Variants in PIP5K1B observed in about 807,000 individuals in gnomAD.
The protein encoded by PIP5K1B is phosphatidylinositol 4-phosphate 5-kinase type-1 beta.
In PIP5K1B, 42 loss-of-function variants were observed where a neutral mutation model predicts 67.0. The ratio of observed to expected loss-of-function variants is 0.63; its 90% confidence interval spans 0.49 to 0.81. The LOEUF (loss-of-function observed/expected upper bound fraction) is 0.81, where lower values mean the gene tolerates loss of function less well. Among genes scored for constraint, PIP5K1B ranks in the 30% least tolerant of loss-of-function variants. PIP5K1B has a pLI of 0.00. For synonymous variants in PIP5K1B, 214 were observed against 231.4 expected (o/e 0.92, Z 0.68); for missense variants, 459 against 646.3 (o/e 0.71, Z 3.14).
chr9:68,779,405 C>T (rs552293165), intron 2 of PIP5K1B, among the ~76,000 whole-genome samples: 32 of 152,326 alleles, frequency 2.1e-4, no homozygotes, highest in African/African-American at 6.7e-4. Flanking sequence ...CACACTGTCA[C>T]CTTAGTGCAA....
chr9:68,920,007 G>A (rs1826283077), intron 11 of PIP5K1B, among the ~76,000 whole-genome samples: 1 of 152,144 alleles, frequency 6.6e-6, no homozygotes, highest in Non-Finnish European at 1.5e-5. Context: ...TTTGAGAGAG[G>A]TCTTTTTTTG....
intron 4 of PIP5K1B, among the ~76,000 whole-genome samples, chr9:68,844,410 G>A (rs757313882): frequency 3.3e-5 from 5 of 152,096 alleles, no homozygotes; most frequent in African/African-American, 4.8e-5. Flanking sequence ...ACTATGCATC[G>A]GGCACTTCCA....
intron 2 of PIP5K1B, among the ~76,000 whole-genome samples, chr9:68,801,318 CA>C (rs1832590338): frequency 6.6e-6 from 1 of 152,124 alleles, no homozygotes; most frequent in East Asian, 1.9e-4. Flanking sequence ...GAAAAGGGCA[CA>C]TTTTTTTTTT....
At chr9:68,850,980 G>T (rs1310465534) in intron 4 of PIP5K1B, among the ~76,000 whole-genome samples, 1 of 152,124 alleles carries the variant, frequency 6.6e-6, no homozygotes, top group Non-Finnish European at 1.5e-5. Context: ...CCTAAATCAA[G>T]AATTTCATCT....
At chr9:68,907,997 TGGTG>T (rs1015061956) in intron 8 of PIP5K1B, among the ~76,000 whole-genome samples, 20 of 152,192 alleles carry the variant, frequency 1.3e-4, no homozygotes, top group Non-Finnish European at 1.8e-4. Context: ...TTACCAGAGT[TGGTG>T]GGCTGTAGCA....
intron 2 of PIP5K1B, chr9:68,785,935 C>T (rs889134000): frequency 6.6e-6 from 1 of 152,214 alleles, no homozygotes; most frequent in African/African-American, 2.4e-5. Context: ...TTATAGTGAA[C>T]AGACATTTCC....
chr9:68,911,955 G>A (rs2132488202), intron 8 of PIP5K1B, among the ~76,000 whole-genome samples: 1 of 152,260 alleles, frequency 6.6e-6, no homozygotes, highest in Middle Eastern at 3.4e-3. Context: ...TGCAGCTTAG[G>A]AATGAAGTCA....
At chr9:68,840,348 G>C (rs1158009408) in intron 4 of PIP5K1B, among the ~76,000 whole-genome samples, 1 of 150,862 alleles carries the variant, frequency 6.6e-6, no homozygotes, top group African/African-American at 2.4e-5. Context: ...TTGCACTCCA[G>C]CCTGGGCAAC....
At chr9:68,868,432 G>C (rs1207224042) in intron 5 of PIP5K1B, among the ~76,000 whole-genome samples, 1 of 152,098 alleles carries the variant, frequency 6.6e-6, no homozygotes, top group East Asian at 1.9e-4. Context: ...ACACTATTTG[G>C]TATATGAAAT....
rs141133742 is a variant in PIP5K1B, at chr9:68,713,983, GGC to G, written c.-243+8222_-243+8223del. On this transcript the variant is annotated intron_variant, in intron 1 of 15. Coordinates refer to ENST00000265382, the MANE Select transcript of PIP5K1B (RefSeq NM_003558.4). ...CCAGAGCACAGAACCAGTAAGGGATGGCACAAAGGTTCTAGCCCTGGCTTTTC... is the reference window on the plus strand; with the variant it reads ...CCAGAGCACAGAACCAGTAAGGGATGACAAAGGTTCTAGCCCTGGCTTTTC... Among the ~76,000 whole-genome samples, 826 of 152,284 alleles carry G rather than the reference GGC, an allele frequency of 5.4e-3. 6 individuals are homozygous for G. Among genetic ancestry groups the G allele is most frequent in the African/African-American group, 0.019 (789 of 41,568 alleles).
At chr9:68,973,408 T>C (rs935306930) in intron 14 of PIP5K1B, among the ~76,000 whole-genome samples, 22 of 152,186 alleles carry the variant, frequency 1.4e-4, no homozygotes, top group African/African-American at 5.3e-4. Flanking sequence ...CTATGAAAGA[T>C]AGACATTATC....
chr9:68,886,165 C>T (rs772506424), intron 6 of PIP5K1B, among the ~76,000 whole-genome samples: 24 of 151,040 alleles, frequency 1.6e-4, no homozygotes, highest in Non-Finnish European at 3.2e-4. Context: ...GGTGTCAGAG[C>T]GAGACTCCGT....
intron 14 of PIP5K1B, among the ~76,000 whole-genome samples, chr9:68,984,845 C>G (rs1400504814): frequency 2.6e-5 from 4 of 152,222 alleles, no homozygotes; most frequent in Admixed American, 2.6e-4. Flanking sequence ...GCGTACACTA[C>G]TTTTGTTTCT....
At chr9:68,910,828 GAGCAGA>G (rs1825811841) in intron 8 of PIP5K1B, among the ~76,000 whole-genome samples, 1 of 152,216 alleles carries the variant, frequency 6.6e-6, no homozygotes, top group African/African-American at 2.4e-5. Context: ...GAAACGACAT[GAGCAGA>G]AGCATCAGAG....
chr9:68,804,775 C>G (rs978057530), intron 2 of PIP5K1B, among the ~76,000 whole-genome samples: 3 of 152,054 alleles, frequency 2.0e-5, no homozygotes, highest in African/African-American at 7.2e-5. Context: ...GTTATTTAAC[C>G]TCTCTGTTGC....
At chr9:68,832,880 G>A (rs1174498192) in intron 4 of PIP5K1B, among the ~76,000 whole-genome samples, 1 of 152,184 alleles carries the variant, frequency 6.6e-6, no homozygotes, top group African/African-American at 2.4e-5. Context: ...TTGAGCACAG[G>A]GCTGAAATGT....
At chr9:68,943,660 G>C (rs1224605281) in intron 14 of PIP5K1B, among the ~76,000 whole-genome samples, 1 of 144,866 alleles carries the variant, frequency 6.9e-6, no homozygotes, top group Admixed American at 6.9e-5. Context: ...GCATTGAAAA[G>C]AAAAAAAAAA....
chr9:68,782,720 A>G (rs899955947), intron 2 of PIP5K1B: 1 of 167,100 alleles, frequency 6.0e-6, no homozygotes, highest in Non-Finnish European at 1.5e-5. Flanking sequence ...ATGTGCTCCC[A>G]TTCTCGACCC....
At chr9:68,977,891 C>A (rs1200408937) in intron 14 of PIP5K1B, among the ~76,000 whole-genome samples, 1 of 152,018 alleles carries the variant, frequency 6.6e-6, no homozygotes, top group Non-Finnish European at 1.5e-5. Flanking sequence ...TTGTGATCCA[C>A]CCACCTTGGC....
Sources: allele counts gnomAD v4.1 joint callset (sites outside exome capture counted in the v4.1 genomes callset), GRCh38; gene constraint gnomAD v4.1.1; transcripts MANE v1.5; gene names NCBI Gene and HGNC (gene_info 2026-07-23, HGNC 2026-07-21).